The following COL9A1 variants were observed in gnomAD, a reference collection of about 807,000 sequenced individuals.
COL9A1 encodes collagen alpha-1(IX) chain.
In COL9A1, 104 loss-of-function variants were observed where a neutral mutation model predicts 142.6. The ratio of observed to expected loss-of-function variants is 0.73; its 90% CI spans 0.62 to 0.86. COL9A1 has a LOEUF of 0.86. Ranked by LOEUF, COL9A1 falls within the 40% of genes least tolerant of loss-of-function variation. The pLI, the probability that COL9A1 is intolerant of heterozygous loss-of-function variation, is 0.00. For synonymous variants in COL9A1, 466 were observed against 396.0 expected (o/e 1.18, Z -2.10); for missense variants, 1,210 against 1,176.6 (o/e 1.03, Z -0.42).
chr6:70,303,000 G>C lies in COL9A1; in HGVS notation c.-76C>G, dbSNP rs919326618. On this transcript the variant is annotated 5_prime_UTR_variant, in exon 1 of 38. Transcript: ENST00000357250. ...TGGAAGGGAGTCACTGTCCCCTCACGACCCCTTCACTGTTACCCTAGGACT... is the reference window on the plus strand; with the variant it reads ...TGGAAGGGAGTCACTGTCCCCTCACCACCCCTTCACTGTTACCCTAGGACT... 6.9e-7 allele frequency: 1 copy of C among 1,454,222 alleles called. No homozygotes were observed. Among genetic ancestry groups the C allele is most frequent in the African/African-American group, 1.4e-5 (1 of 71,496 alleles). The allele number at this position is 1,454,222 out of a possible 1,614,324, so 90.1% of individuals were successfully genotyped here.
chr6:70,231,841 T>C (rs1769567822), intron 36 of COL9A1, among the ~76,000 whole-genome samples: 1 of 152,142 alleles, frequency 6.6e-6, no homozygotes, highest in Non-Finnish European at 1.5e-5. Context: ...CTGTAAATTA[T>C]CCAGGGCACA....
At chr6:70,270,443 G>T in intron 14 of COL9A1, 76 bp from the exon 15 acceptor site, 1 of 1,396,266 alleles carries the variant, frequency 7.2e-7, no homozygotes, top group South Asian at 1.2e-5. Flanking sequence ...TGAGGCATAA[G>T]AGAATGGTAT....
rs770329700 is a variant in COL9A1 at position 70,240,654 on chromosome 6, A to G, written c.2079+35T>C. On this transcript the variant is annotated intron_variant, in intron 32 of 37. Coordinates refer to ENST00000357250, the MANE Select transcript of COL9A1 (RefSeq NM_001851.6). Reference sequence around the variant, plus strand: ...TACTTCTAACAGTTCAAAATTGGTAAAGCTTCATCATTAACCAGAAAAAAA... The same window carrying G: ...TACTTCTAACAGTTCAAAATTGGTAGAGCTTCATCATTAACCAGAAAAAAA... 3.2e-6 allele frequency: 5 copies of G among 1,568,164 alleles called. No individual in the cohort carries two copies. The East Asian group carries it at 9.0e-5, about 28-fold the overall frequency.
At chr6:70,220,644 T>G (rs1768823980) in intron 37 of COL9A1, among the ~76,000 whole-genome samples, 1 of 152,144 alleles carries the variant, frequency 6.6e-6, no homozygotes, top group Non-Finnish European at 1.5e-5. Flanking sequence ...TCATGTATGT[T>G]CTAAACTATG....
At position 70,234,545 on chromosome 6, in the gene COL9A1, T is replaced by C; in HGVS notation, c.2308A>G (p.Ile770Val). 6.2e-7 allele frequency: 1 copy of C among 1,614,218 alleles called. No homozygotes were observed. The highest frequency in any genetic ancestry group is 8.5e-7 in the Non-Finnish European group (1 of 1,180,016). The stretch of plus-strand genomic sequence containing the variant: ...ACCATTGTGATTTATTTACCTTGTA[T>C]GACTCTCATGCAAACCTGCTTAATG... ...QHIKQVCMRV[I>V]QEHFAEMAAS... Residue 770 changes from isoleucine to valine, a missense_variant, in exon 35 of 38, where the codon ATA becomes GTA. By Grantham distance (29) the Ile-to-Val change is conservative (BLOSUM62 3). Transcript: ENST00000357250.
intron 18 of COL9A1, among the ~76,000 whole-genome samples, chr6:70,266,188 G>T (rs764679342): frequency 1.3e-5 from 2 of 152,148 alleles, no homozygotes; most frequent in Admixed American, 6.5e-5. Context: ...TTTCTATGCA[G>T]ATAATAACGT....
Position 70,252,183 on chromosome 6 carries a change from G to A in COL9A1, c.1819-10C>T. ...GAGGCCCCTGTTGGCCCTGTTATCA[G>A]GAAGGAAGGTAGAAAAAAAGTTAAC... On this transcript the variant is annotated splice_polypyrimidine_tract_variant and intron_variant, in intron 27 of 37. Transcript: ENST00000357250. 6.2e-7 allele frequency: 1 copy of A among 1,614,148 alleles called. No homozygotes were observed. The highest frequency in any genetic ancestry group is 8.5e-7 in the Non-Finnish European group (1 of 1,180,014).
At chr6:70,280,688 T>C in intron 10 of COL9A1, 124 bp downstream of exon 10, 1 of 1,389,670 alleles carries the variant, frequency 7.2e-7, no homozygotes, top group Non-Finnish European at 9.9e-7. Context: ...GGAGGCCAAG[T>C]TTAGAGCCAC....
At chr6:70,300,733 T>C (rs1476599155) in intron 2 of COL9A1, among the ~76,000 whole-genome samples, 4 of 152,168 alleles carry the variant, frequency 2.6e-5, no homozygotes, top group African/African-American at 9.7e-5. Context: ...TTTGTTCCTT[T>C]TGAAACCAAA....
chr6:70,296,573 T>C (rs1773858194), intron 4 of COL9A1, among the ~76,000 whole-genome samples: 1 of 152,144 alleles, frequency 6.6e-6, no homozygotes, highest in Non-Finnish European at 1.5e-5. Flanking sequence ...TTCAGAATTA[T>C]ATCTATTCTG....
chr6:70,260,435 C>G (rs1771597274), intron 20 of COL9A1, among the ~76,000 whole-genome samples: 1 of 151,564 alleles, frequency 6.6e-6, no homozygotes, highest in Non-Finnish European at 1.5e-5. Context: ...CCCAGCTGCT[C>G]TACTCGTGAT....
At chr6:70,289,118 T>C (rs953793627) in intron 5 of COL9A1, among the ~76,000 whole-genome samples, 1 of 152,170 alleles carries the variant, frequency 6.6e-6, no homozygotes, top group Non-Finnish European at 1.5e-5. Flanking sequence ...TTCTTCATGA[T>C]AAACTGAGAG....
In COL9A1 at chr6:70,252,281, A is replaced by G; in HGVS notation, c.1799T>C (p.Met600Thr). 1.9e-6 allele frequency: 3 copies of G among 1,614,212 alleles called. No homozygotes were observed. The highest frequency in any genetic ancestry group is 2.5e-6 in the Non-Finnish European group (3 of 1,180,022). ...TCTTACCGGTTTGCCTGAATTTCCC[A>G]TCTGACCAGGCTTCCCTGGAGCACC... ...STGAPGKPGQ[M>T]GNSGKPGQQG... Residue 600 changes from methionine to threonine, a missense_variant, in exon 27 of 38, where the codon ATG becomes ACG. Coordinates refer to ENST00000357250, the MANE Select transcript of COL9A1 (RefSeq NM_001851.6).
chr6:70,239,075 G>C (rs1337897600), intron 33 of COL9A1, among the ~76,000 whole-genome samples, 179 bp downstream of exon 33: 1 of 152,002 alleles, frequency 6.6e-6, no homozygotes, highest in Admixed American at 6.6e-5. Flanking sequence ...GGAGGCAGAG[G>C]TTGCAGTGAG....
intron 33 of COL9A1, among the ~76,000 whole-genome samples, chr6:70,235,715 C>A (rs1174851051): frequency 7.8e-6 from 1 of 128,864 alleles, no homozygotes; most frequent in African/African-American, 2.5e-5. Context: ...GTTATTTAGC[C>A]CTTACAACTT....
intron 36 of COL9A1, among the ~76,000 whole-genome samples, chr6:70,231,053 A>T (rs1276850303): frequency 6.6e-6 from 1 of 152,186 alleles, no homozygotes; most frequent in African/African-American, 2.4e-5. Context: ...GTGCAGCAGA[A>T]CCACCAGGAG....
rs9446221 is a variant in COL9A1, at chr6:70,302,273, G to A, written c.15-199C>T. Among the ~76,000 whole-genome samples the A allele has an allele frequency of 1.0e-3, 146 of 141,632 alleles. 9 individuals carry two copies. Among genetic ancestry groups the A allele is most frequent in the Admixed American group, 7.7e-5 (1 of 13,016 alleles). 92.9% of individuals were successfully genotyped at this position (141,632 alleles called of 152,430 possible). ...CACCCAGGCTGGAGTGCAATGGCGCGATCTCGGCTCTTTGCAACCTCCACC... is the reference window on the plus strand; with the variant it reads ...CACCCAGGCTGGAGTGCAATGGCGCAATCTCGGCTCTTTGCAACCTCCACC... On this transcript the variant is annotated intron_variant, in intron 1 of 37. Coordinates refer to ENST00000357250, the MANE Select transcript of COL9A1 (RefSeq NM_001851.6).
intron 6 of COL9A1, among the ~76,000 whole-genome samples, chr6:70,283,446 C>T (rs939920544): frequency 3.3e-5 from 5 of 152,200 alleles, no homozygotes; most frequent in African/African-American, 9.6e-5. Context: ...CTCAAGTGTT[C>T]TTGGACATGT....
intron 20 of COL9A1, among the ~76,000 whole-genome samples, chr6:70,259,816 G>A (rs967049447): frequency 6.6e-6 from 1 of 152,140 alleles, no homozygotes; most frequent in Non-Finnish European, 1.5e-5. Context: ...AGCAGCCTGC[G>A]GAGTGCCTTG....
Sources: gnomAD v4.1 joint callset for allele counts (sites outside exome capture counted in the v4.1 genomes callset) on GRCh38, gnomAD v4.1.1 for gene constraint, MANE v1.5 for transcripts, NCBI Gene and HGNC (gene_info 2026-07-23, HGNC 2026-07-21) for gene names.